The following SCARA5 variants were observed in gnomAD, a reference collection of about 807,000 sequenced individuals.
The protein encoded by SCARA5 is scavenger receptor class A, member 5 (putative).
In SCARA5, 45 loss-of-function variants were observed where a neutral mutation model predicts 46.3. The observed-to-expected ratio is 0.97, with a 90% confidence interval of 0.76 to 1.24. The LOEUF (loss-of-function observed/expected upper bound fraction) is 1.24. Among genes scored for constraint, SCARA5 ranks in the 50% most tolerant of loss-of-function variants. The pLI is 0.00. For missense variants in SCARA5, 680 were observed against 689.0 expected (o/e 0.99, Z 0.15); for synonymous variants, 333 against 306.5 (o/e 1.09, Z -0.90).
chr8:27,907,154 A>G lies in SCARA5; in HGVS notation c.1090T>C (p.Phe364Leu). Reference sequence around the variant, plus strand: ...GAACTGAGATTGTTATTACCTTTGAACCCACGCATGCCCATTGGTCCTGTG... The same window carrying G: ...GAACTGAGATTGTTATTACCTTTGAGCCCACGCATGCCCATTGGTCCTGTG... ...GATGPMGMRG[F>L]KGDRGPKGEK... Residue 364 changes from phenylalanine (F) to leucine (L), a missense_variant, in exon 6 of 9, where the codon TTC (phenylalanine) becomes CTC (leucine). Physicochemically the swap from Phe to Leu is conservative, Grantham distance 22. Coordinates refer to ENST00000354914, the MANE Select transcript of SCARA5 (RefSeq NM_173833.6). The G allele has an allele frequency of 6.2e-7, 1 of 1,612,106 alleles. No homozygotes were observed. Among genetic ancestry groups the G allele is most frequent in the Non-Finnish European group, 8.5e-7 (1 of 1,178,818 alleles).
intron 3 of SCARA5, among the ~76,000 whole-genome samples, chr8:27,941,539 G>A (rs1013906846): frequency 6.6e-6 from 1 of 151,994 alleles, no homozygotes; most frequent in Non-Finnish European, 1.5e-5. Context: ...TATCTCATTT[G>A]AGAAAATCAA....
Position 27,946,373 on chromosome 8 carries a change from G to A in SCARA5, c.241+20041C>T, listed in dbSNP as rs144511783. 2.3e-3 allele frequency among the ~76,000 whole-genome samples: 352 copies of A among 152,316 alleles called. 2 individuals carry two copies. The highest frequency in any genetic ancestry group is 7.7e-3 in the African/African-American group (319 of 41,574). On this transcript the variant is annotated intron_variant, in intron 3 of 8. Coordinates refer to ENST00000354914, the MANE Select transcript of SCARA5 (RefSeq NM_173833.6). ...TGCAGCCTTCTTCTCTGAAGGGATTGGCTCCAGGATCCCCCACAGAAAATC... is the reference window on the plus strand; with the variant it reads ...TGCAGCCTTCTTCTCTGAAGGGATTAGCTCCAGGATCCCCCACAGAAAATC...
chr8:27,904,057 G>A lies in SCARA5; in HGVS notation c.1153+721C>T, dbSNP rs1178696956. Among the ~76,000 whole-genome samples the A allele has an allele frequency of 5.3e-5, 8 of 152,244 alleles. No homozygotes were observed. The East Asian group carries it at 1.5e-3, about 29-fold the overall frequency. On this transcript the variant is annotated intron_variant, in intron 7 of 8. Coordinates refer to ENST00000354914, the MANE Select transcript of SCARA5 (RefSeq NM_173833.6). ...CTCTCTAGGGGAAAAGTAAACCTTA[G>A]AAGAGTGGCACAACTAAATAAGCTG...
intron 7 of SCARA5, among the ~76,000 whole-genome samples, chr8:27,897,259 A>G (rs1482331522): frequency 6.6e-6 from 1 of 152,180 alleles, no homozygotes; most frequent in Non-Finnish European, 1.5e-5. Flanking sequence ...CAGTGACATC[A>G]AAGGCTCCCG....
At chr8:27,981,671 C>G (rs977826994) in intron 2 of SCARA5, among the ~76,000 whole-genome samples, 1 of 152,220 alleles carries the variant, frequency 6.6e-6, no homozygotes, top group African/African-American at 2.4e-5. Flanking sequence ...CCAGCCCTGA[C>G]ACACTGCAAC....
intron 7 of SCARA5, among the ~76,000 whole-genome samples, chr8:27,898,755 C>A (rs1478528824): frequency 6.6e-6 from 1 of 152,298 alleles, no homozygotes; most frequent in East Asian, 1.9e-4. Flanking sequence ...GGAAGTTGGA[C>A]CATTCAGCCC....
At chr8:27,970,069 C>G (rs1808426031) in intron 2 of SCARA5, among the ~76,000 whole-genome samples, 1 of 152,228 alleles carries the variant, frequency 6.6e-6, no homozygotes, top group Non-Finnish European at 1.5e-5. Context: ...GAACTGAGAC[C>G]AAAGACATGC....
intron 2 of SCARA5, among the ~76,000 whole-genome samples, chr8:27,984,072 C>T (rs1808663952): frequency 6.6e-6 from 1 of 152,162 alleles, no homozygotes; most frequent in Non-Finnish European, 1.5e-5. Flanking sequence ...CTCTCCCTTC[C>T]TTTCCCATCT....
intron 3 of SCARA5, among the ~76,000 whole-genome samples, chr8:27,937,254 C>A (rs1807873408): frequency 6.6e-6 from 1 of 152,082 alleles, no homozygotes; most frequent in African/African-American, 2.4e-5. Flanking sequence ...CCCAGCTATA[C>A]CTCCAACCTC....
intron 7 of SCARA5, among the ~76,000 whole-genome samples, chr8:27,880,065 C>T (rs984246944): frequency 2.0e-4 from 31 of 152,166 alleles, no homozygotes; most frequent in Non-Finnish European, 2.9e-5. Context: ...ATCTGATCTT[C>T]GACCAAGTCA....
chr8:27,921,419 G>A (rs1807581306), intron 4 of SCARA5, 152 bp downstream of exon 4: 2 of 646,590 alleles, frequency 3.1e-6, no homozygotes, highest in South Asian at 2.3e-5. Flanking sequence ...AGTCCTGTAG[G>A]GCAAGACTTA....
At chr8:27,887,589 C>T (rs1479730595) in intron 7 of SCARA5, among the ~76,000 whole-genome samples, 1 of 152,180 alleles carries the variant, frequency 6.6e-6, no homozygotes, top group Non-Finnish European at 1.5e-5. Flanking sequence ...TTATTCCAAT[C>T]CCCATCCCAC....
At chr8:27,941,748 A>T (rs1324439735) in intron 3 of SCARA5, among the ~76,000 whole-genome samples, 1 of 151,444 alleles carries the variant, frequency 6.6e-6, no homozygotes, top group African/African-American at 2.4e-5. Context: ...ACTGCTGTGG[A>T]CATCATCTCA....
intron 3 of SCARA5, among the ~76,000 whole-genome samples, chr8:27,934,645 G>A (rs1807826651): frequency 6.6e-6 from 1 of 152,192 alleles, no homozygotes; most frequent in Non-Finnish European, 1.5e-5. Context: ...CCTGGGCTGT[G>A]ACTGGGTCAT....
chr8:27,909,751 GGCAAAAACA>G lies in SCARA5; in HGVS notation c.917-17_917-9del. On this transcript the variant is annotated splice_polypyrimidine_tract_variant and intron_variant, in intron 4 of 8. Coordinates refer to ENST00000354914, the MANE Select transcript of SCARA5 (RefSeq NM_173833.6). Reference sequence around the variant, plus strand: ...CTTTGGGTCCCGGTGGCCCTGGAAAGGCAAAAACAGCACTGAGGTTAGGGGGCTCCCTTC... The same window carrying G: ...CTTTGGGTCCCGGTGGCCCTGGAAAGGCACTGAGGTTAGGGGGCTCCCTTC... 1 of 1,547,748 alleles carries G rather than the reference GGCAAAAACA, an allele frequency of 6.5e-7. No homozygotes were observed. Among genetic ancestry groups the G allele is most frequent in the South Asian group, 1.2e-5 (1 of 83,836 alleles).
At chr8:27,881,357 A>G (rs1404862358) in intron 7 of SCARA5, among the ~76,000 whole-genome samples, 5 of 152,242 alleles carry the variant, frequency 3.3e-5, no homozygotes, top group African/African-American at 4.8e-5. Context: ...ACACCATGGA[A>G]TACTATGCAG....
At chr8:27,924,340 GAGA>G (rs1807648075) in intron 3 of SCARA5, among the ~76,000 whole-genome samples, 2 of 152,212 alleles carry the variant, frequency 1.3e-5, no homozygotes, top group Non-Finnish European at 2.9e-5. Context: ...ACTTCACATT[GAGA>G]AGGAGGGATA....
Position 27,992,604 on chromosome 8 carries a change from G to A in SCARA5, c.-363C>T, listed in dbSNP as rs1271334427. 3 of 152,336 alleles carry A rather than the reference G, an allele frequency of 2.0e-5. No homozygotes were observed. The highest frequency in any genetic ancestry group is 4.4e-5 in the Non-Finnish European group (3 of 68,114). The allele number at this position is 152,336 out of a possible 1,614,324, so 9.4% of individuals were successfully genotyped here. On this transcript the variant is annotated 5_prime_UTR_variant, in exon 1 of 9. Coordinates refer to ENST00000354914, the MANE Select transcript of SCARA5 (RefSeq NM_173833.6). The stretch of plus-strand genomic sequence containing the variant: ...GGTAGCGATCAGGAGATGTTCTGAG[G>A]AGGCACCGGCAGCTCCTCTAGGTAC...
rs112176927 is a variant in SCARA5 at position 27,916,702 on chromosome 8, A to G, written c.916+4869T>C. ...AGATATACCAGCAGGAATCTTTTTA[A>G]TAATAATTACCAGGCACCTGGCAAC... On this transcript the variant is annotated intron_variant, in intron 4 of 8. Transcript: ENST00000354914. Among the ~76,000 whole-genome samples the G allele has an allele frequency of 8.3e-3, 1,260 of 152,276 alleles. 21 individuals carry two copies. Among genetic ancestry groups the G allele is most frequent in the African/African-American group, 0.029 (1,203 of 41,532 alleles).
Sources: gnomAD v4.1 joint callset for allele counts (sites outside exome capture counted in the v4.1 genomes callset) on GRCh38, gnomAD v4.1.1 for gene constraint, MANE v1.5 for transcripts, NCBI Gene and HGNC (gene_info 2026-07-23, HGNC 2026-07-21) for gene names.